Variants in HTR1F observed in about 807,000 individuals in gnomAD.
HTR1F encodes the protein 5-hydroxytryptamine (serotonin) receptor 1F, G protein-coupled.
HTR1F carries 17 observed loss-of-function variants against 24.0 expected under a neutral mutation model. That is an observed-to-expected ratio of 0.71 (90% CI 0.48 to 1.06). The LOEUF (loss-of-function observed/expected upper bound fraction) is 1.06. Among genes scored for constraint, HTR1F ranks in the 50% least tolerant of loss-of-function variants. The pLI is 0.00. For synonymous variants in HTR1F, 186 were observed against 156.8 expected, an observed-to-expected ratio of 1.19 and a Z score of -1.39; for missense variants, 391 against 427.8, an observed-to-expected ratio of 0.91 and a Z score of 0.76.
chr3:87,912,567 A>G (rs968297662), intron 2 of HTR1F, among the ~76,000 whole-genome samples: 2 of 150,068 alleles, frequency 1.3e-5, no homozygotes, highest in Non-Finnish European at 3.0e-5. Context: ...CTAGAAGAAT[A>G]AACTATTAAA....
Position 87,993,349 on chromosome 3 carries a change from C to A in HTR1F, c.*1499C>A, listed in dbSNP as rs1705877218. ...AGAAGATATACGAAATAATAAAATACAGTTTTTTTTCCTGAATATGTTTAC... is the reference window on the plus strand; with the variant it reads ...AGAAGATATACGAAATAATAAAATAAAGTTTTTTTTCCTGAATATGTTTAC... On this transcript the variant is annotated 3_prime_UTR_variant, in exon 3 of 3. Coordinates refer to ENST00000319595, the MANE Select transcript of HTR1F (RefSeq NM_001322209.2). 1 of 151,854 alleles carries A rather than the reference C, an allele frequency of 6.6e-6. No homozygotes were observed. Among genetic ancestry groups the A allele is most frequent in the Admixed American group, 7.4e-5 (1 of 13,544 alleles). The allele number at this position is 151,854 out of a possible 1,614,324, so 9.4% of individuals were successfully genotyped here. A position where few individuals can be genotyped will look rare whatever the true frequency, so the allele number is the denominator to read the frequency against.
At chr3:87,830,526 T>C (rs1189466677) in intron 2 of HTR1F, among the ~76,000 whole-genome samples, 1 of 152,176 alleles carries the variant, frequency 6.6e-6, no homozygotes, top group Non-Finnish European at 1.5e-5. Flanking sequence ...TATGCTCTGG[T>C]TTATCATCAT....
chr3:87,961,802 T>TAA (rs5850819), intron 2 of HTR1F, among the ~76,000 whole-genome samples: 1 of 142,790 alleles, frequency 7.0e-6, no homozygotes. Flanking sequence ...TAATAAGATC[T>TAA]AAAAAAAAAA....
chr3:87,867,679 C>A (rs139081668), intron 2 of HTR1F, among the ~76,000 whole-genome samples: 100 of 152,194 alleles, frequency 6.6e-4, no homozygotes, highest in African/African-American at 2.4e-3. Flanking sequence ...TTCTTCTGTG[C>A]AACTTGGAGT....
chr3:87,992,185 A>C lies in HTR1F; in HGVS notation c.*335A>C, dbSNP rs530752158. On this transcript the variant is annotated 3_prime_UTR_variant, in exon 3 of 3. Coordinates refer to ENST00000319595, the MANE Select transcript of HTR1F (RefSeq NM_001322209.2). ...TTACATCTTACAATAATTATAGAGGAGTTTTCAATTAACAACATACCTCCC... is the reference window on the plus strand; with the variant it reads ...TTACATCTTACAATAATTATAGAGGCGTTTTCAATTAACAACATACCTCCC... The C allele has an allele frequency of 5.8e-6, 1 of 171,686 alleles. No homozygotes were observed. The highest frequency in any genetic ancestry group is 1.4e-5 in the Non-Finnish European group (1 of 71,436). The allele number at this position is 171,686 out of a possible 1,614,324, so 10.6% of individuals were successfully genotyped here.
At chr3:87,953,837 T>G (rs144371658) in intron 2 of HTR1F, among the ~76,000 whole-genome samples, 11 of 151,952 alleles carry the variant, frequency 7.2e-5, no homozygotes, top group Admixed American at 2.0e-4. Context: ...ATATACATAA[T>G]GGACCATTAT....
intron 2 of HTR1F, among the ~76,000 whole-genome samples, chr3:87,897,882 T>C (rs1706236626): frequency 6.6e-6 from 1 of 152,148 alleles, no homozygotes; most frequent in African/African-American, 2.4e-5. Context: ...GGGATGCATA[T>C]AATTTTATGC....
At chr3:87,872,887 T>C (rs769336116) in intron 2 of HTR1F, among the ~76,000 whole-genome samples, 9 of 152,102 alleles carry the variant, frequency 5.9e-5, no homozygotes, top group Non-Finnish European at 1.3e-4. Context: ...CACCAATCCT[T>C]CTCTAACTCT....
Position 87,970,498 on chromosome 3 carries a change from G to A in HTR1F, c.-42-20210G>A, listed in dbSNP as rs1166077268. 2.0e-5 allele frequency among the ~76,000 whole-genome samples: 3 copies of A among 152,182 alleles called. No individual in the cohort carries two copies. The South Asian group carries it at 6.2e-4, about 31-fold the overall frequency. On this transcript the variant is annotated intron_variant, in intron 2 of 2. Coordinates refer to ENST00000319595, the MANE Select transcript of HTR1F (RefSeq NM_001322209.2). ...GAGAAATACAAATGTTTCCCTGAGC[G>A]AGGGCCACACAGGGAATAGCTGGAG...
rs572128091 is a variant in HTR1F at position 87,875,399 on chromosome 3, G to A, written c.-43+53275G>A. 1.3e-4 allele frequency among the ~76,000 whole-genome samples: 20 copies of A among 150,342 alleles called. No homozygotes were observed. The South Asian group carries it at 4.0e-3, about 30-fold the overall frequency. ...AGGGAGATGGAGGTTGCAGTGAGCC[G>A]AGATCATACCACTGCACTCCAGCCT... is the stretch of plus-strand genomic sequence containing the variant. On this transcript the variant is annotated intron_variant, in intron 2 of 2. Transcript: ENST00000319595.
intron 2 of HTR1F, among the ~76,000 whole-genome samples, chr3:87,944,882 G>T (rs990162844): frequency 2.0e-5 from 3 of 152,178 alleles, no homozygotes; most frequent in Non-Finnish European, 4.4e-5. Context: ...AGTGGTCTCA[G>T]TGTTTTCAGG....
chr3:87,983,211 A>C (rs1244524910), intron 2 of HTR1F, among the ~76,000 whole-genome samples: 11 of 152,218 alleles, frequency 7.2e-5, no homozygotes, highest in Non-Finnish European at 1.6e-4. Flanking sequence ...TTAAGTGTAC[A>C]AATCTGAGAA....
At chr3:87,838,142 A>T (rs1371298253) in intron 2 of HTR1F, among the ~76,000 whole-genome samples, 2 of 152,168 alleles carry the variant, frequency 1.3e-5, no homozygotes, top group Non-Finnish European at 2.9e-5. Context: ...TTAATGATAT[A>T]ATAATTGCTA....
In HTR1F at chr3:87,984,107, G is replaced by A. The variant is rs1705609885; in HGVS notation, c.-42-6601G>A. On this transcript the variant is annotated intron_variant, in intron 2 of 2. Coordinates refer to ENST00000319595, the MANE Select transcript of HTR1F (RefSeq NM_001322209.2). ...TAGCCCTAAAGTGCCTTTGCAGTAA[G>A]TAGGTAGCACATCAGACTGCTGATT... is the stretch of plus-strand genomic sequence containing the variant. 2.6e-5 allele frequency among the ~76,000 whole-genome samples: 4 copies of A among 152,318 alleles called. No homozygotes were observed. In the South Asian group the frequency reaches 8.3e-4, roughly 32 times the overall value.
At chr3:87,812,790 G>T (rs1489034531) in intron 1 of HTR1F, among the ~76,000 whole-genome samples, 1 of 152,200 alleles carries the variant, frequency 6.6e-6, no homozygotes, top group African/African-American at 2.4e-5. Flanking sequence ...TGTCCCAGCT[G>T]CTCCAGCTCC....
intron 2 of HTR1F, among the ~76,000 whole-genome samples, chr3:87,940,376 A>G (rs535599343): frequency 6.6e-6 from 1 of 152,222 alleles, no homozygotes; most frequent in Non-Finnish European, 1.5e-5. Flanking sequence ...AGGGAGCCAA[A>G]TCATAAGTGC....
intron 2 of HTR1F, among the ~76,000 whole-genome samples, chr3:87,913,463 AAGG>A (rs1199818354): frequency 1.3e-5 from 2 of 152,184 alleles, no homozygotes; most frequent in African/African-American, 4.8e-5. Context: ...TGCAGAGAAA[AAGG>A]AGCACTTATA....
intron 2 of HTR1F, among the ~76,000 whole-genome samples, chr3:87,897,079 A>G (rs1351964176): frequency 1.3e-5 from 2 of 152,070 alleles, no homozygotes; most frequent in Non-Finnish European, 2.9e-5. Flanking sequence ...AAGGAAATAA[A>G]ATTATCACCT....
At chr3:87,930,120 T>C (rs1408975687) in intron 2 of HTR1F, among the ~76,000 whole-genome samples, 2 of 152,214 alleles carry the variant, frequency 1.3e-5, no homozygotes, top group Non-Finnish European at 2.9e-5. Context: ...CTAGTGATTT[T>C]TAGACATTGA....
Sources: allele counts gnomAD v4.1 joint callset (sites outside exome capture counted in the v4.1 genomes callset), GRCh38; gene constraint gnomAD v4.1.1; transcripts MANE v1.5; gene names NCBI Gene and HGNC (gene_info 2026-07-23, HGNC 2026-07-21).